FBXO36: variants seen among roughly 807,000 people sequenced by gnomAD.
The protein encoded by FBXO36 is F-box only protein 36.
FBXO36 carries 18 observed loss-of-function variants against 17.0 expected under a neutral mutation model. The ratio of observed to expected loss-of-function variants is 1.06; its 90% confidence interval spans 0.73 to 1.57. FBXO36 has a LOEUF of 1.57. Ranked by LOEUF, FBXO36 falls within the 40% of genes most tolerant of loss-of-function variation. The probability of loss-of-function intolerance (pLI) is 0.00; values close to 1 mark genes in which losing one functional copy is unlikely to be tolerated. For synonymous variants in FBXO36, 83 were observed against 85.3 expected (o/e 0.97, Z 0.15); for missense variants, 229 against 221.9 (o/e 1.03, Z -0.20).
intron 2 of FBXO36, among the ~76,000 whole-genome samples, chr2:229,984,473 G>T (rs56100979): frequency 0.76 from 114,229 of 150,020 alleles, 43,749 homozygotes; most frequent in East Asian, 0.8. Context: ...TCACTGCAAC[G>T]CCGCTCCCGG....
intron 1 of FBXO36, among the ~76,000 whole-genome samples, chr2:229,929,276 T>C (rs2076927166): frequency 6.6e-6 from 1 of 150,884 alleles, no homozygotes; most frequent in Non-Finnish European, 1.5e-5. Flanking sequence ...TTTGAGAAAC[T>C]AAAGGAGCTG....
chr2:229,950,631 A>G (rs928537470), intron 1 of FBXO36, among the ~76,000 whole-genome samples: 1 of 152,230 alleles, frequency 6.6e-6, no homozygotes, highest in African/African-American at 2.4e-5. Context: ...TCCTTTCCAC[A>G]GAACGGAATG....
intron 1 of FBXO36, among the ~76,000 whole-genome samples, chr2:229,928,048 C>A (rs2076921930): frequency 6.6e-6 from 1 of 152,208 alleles, no homozygotes; most frequent in Non-Finnish European, 1.5e-5. Context: ...TTTGACCCAG[C>A]AAATCCATTT....
intron 1 of FBXO36, among the ~76,000 whole-genome samples, chr2:229,975,699 C>T (rs1353296315): frequency 6.6e-6 from 1 of 151,954 alleles, no homozygotes; most frequent in Non-Finnish European, 1.5e-5. Context: ...TGATCTAGAA[C>T]TCCCAGGCTC....
intron 2 of FBXO36, 159 bp downstream of exon 2, chr2:229,976,508 T>G: frequency 1.7e-6 from 1 of 589,802 alleles, no homozygotes; most frequent in Non-Finnish European, 2.9e-6. Context: ...AAAACTGTTG[T>G]TTTTTTCTCT....
At chr2:229,959,719 G>T (rs549070610) in intron 1 of FBXO36, among the ~76,000 whole-genome samples, 1 of 151,946 alleles carries the variant, frequency 6.6e-6, no homozygotes, top group South Asian at 2.1e-4. Flanking sequence ...GGTGGTGGGC[G>T]CCTGTAGTCC....
intron 1 of FBXO36, chr2:229,923,370 G>A (rs950900688): frequency 3.3e-5 from 5 of 152,192 alleles, no homozygotes; most frequent in Admixed American, 1.3e-4. Context: ...TTCTCAACTT[G>A]AGCGGGGCCT....
chr2:229,943,524 A>C (rs1268900039), intron 1 of FBXO36, among the ~76,000 whole-genome samples: 1 of 152,014 alleles, frequency 6.6e-6, no homozygotes, highest in Non-Finnish European at 1.5e-5. Context: ...AGATGTTTGG[A>C]GTTCATAAAT....
At chr2:229,980,181 C>A (rs995052937) in intron 2 of FBXO36, among the ~76,000 whole-genome samples, 1 of 151,982 alleles carries the variant, frequency 6.6e-6, no homozygotes, top group Non-Finnish European at 1.5e-5. Flanking sequence ...CCCGCCCCTG[C>A]CCCTGAATAG....
At chr2:229,947,030 T>C (rs1359487281) in intron 1 of FBXO36, among the ~76,000 whole-genome samples, 1 of 152,016 alleles carries the variant, frequency 6.6e-6, no homozygotes, top group East Asian at 1.9e-4. Context: ...TAGCTGGGCA[T>C]GGTGGCAGGT....
intron 1 of FBXO36, among the ~76,000 whole-genome samples, chr2:229,926,948 C>A (rs2076915874): frequency 6.6e-6 from 1 of 151,812 alleles, no homozygotes; most frequent in Non-Finnish European, 1.5e-5. Flanking sequence ...CAACCTCCAC[C>A]TTCTGGGTTG....
At chr2:229,932,741 G>A (rs985289472) in intron 1 of FBXO36, 2 of 159,098 alleles carry the variant, frequency 1.3e-5, no homozygotes, top group African/African-American at 4.8e-5. Context: ...CTGGAGTTTT[G>A]TTTTTTTCTT....
rs5839351 is a variant in FBXO36 at position 230,011,598 on chromosome 2, C to CTTTTTTTTTTTTTTTTTTTTTTTTTT, written c.*731_*732insTTTTTTTTTTTTTTTTTTTTTTTTTT. On this transcript the variant is annotated 3_prime_UTR_variant, in exon 4 of 4. Coordinates refer to ENST00000283946, the MANE Select transcript of FBXO36 (RefSeq NM_174899.5). ...AACCTATAAACATTTCTTTTCTTTTCTTTTTTTTTTTTTTTTTGTATTTTC... is the reference window on the plus strand; with the variant it reads ...AACCTATAAACATTTCTTTTCTTTTCTTTTTTTTTTTTTTTTTTTTTTTTTTTTTTTTTTTTTTTTTTTGTATTTTC... 8.1e-6 allele frequency: 1 copy of CTTTTTTTTTTTTTTTTTTTTTTTTTT among 123,442 alleles called. No individual in the cohort carries two copies. Among genetic ancestry groups the CTTTTTTTTTTTTTTTTTTTTTTTTTT allele is most frequent in the Non-Finnish European group, 1.6e-5 (1 of 61,976 alleles). 7.6% of individuals were successfully genotyped at this position (123,442 alleles called of 1,614,324 possible). A position where few individuals can be genotyped will look rare whatever the true frequency, so the allele number is the denominator to read the frequency against.
intron 3 of FBXO36, among the ~76,000 whole-genome samples, chr2:229,998,404 C>T (rs1167461439): frequency 6.6e-6 from 1 of 152,136 alleles, no homozygotes; most frequent in African/African-American, 2.4e-5. Context: ...GGTTGGATCA[C>T]CTGAGGTTGG....
intron 2 of FBXO36, among the ~76,000 whole-genome samples, chr2:229,995,588 CTT>C (rs1560454291): frequency 4.1e-5 from 5 of 121,346 alleles, no homozygotes; most frequent in Admixed American, 2.6e-4. Flanking sequence ...CTTTCTCTTT[CTT>C]TCTTTCTTTT....
intron 1 of FBXO36, among the ~76,000 whole-genome samples, chr2:229,975,589 C>T (rs928740839): frequency 6.6e-6 from 1 of 151,436 alleles, no homozygotes; most frequent in African/African-American, 2.4e-5. Context: ...ATCCTCCCAC[C>T]TCAGCCTCAC....
intron 3 of FBXO36, among the ~76,000 whole-genome samples, chr2:229,998,468 C>T (rs1282809337): frequency 6.6e-6 from 1 of 152,006 alleles, no homozygotes; most frequent in African/African-American, 2.4e-5. Flanking sequence ...ACTAAAAATA[C>T]AAAATTAGCC....
intron 1 of FBXO36, among the ~76,000 whole-genome samples, chr2:229,953,270 CG>C (rs1413525254): frequency 2.0e-5 from 3 of 151,906 alleles, no homozygotes; most frequent in African/African-American, 7.3e-5. Context: ...ACCCGGGAGG[CG>C]GAGGTTGCAG....
In FBXO36 at chr2:229,966,451, G is replaced by T. The variant is rs555104858; in HGVS notation, c.97-9790G>T. 9.9e-4 allele frequency among the ~76,000 whole-genome samples: 150 copies of T among 152,262 alleles called. 3 individuals are homozygous for T. The South Asian group carries it at 0.015, about 15-fold the overall frequency. The stretch of plus-strand genomic sequence containing the variant: ...TTCGTGTTTTAGAAATGAAGTCCTT[G>T]CCCATGCCTATGTCCTGAAATGGTA... On this transcript the variant is annotated intron_variant, in intron 1 of 3. Transcript: ENST00000283946.
Sources: gnomAD v4.1 joint callset for allele counts (sites outside exome capture counted in the v4.1 genomes callset) on GRCh38, gnomAD v4.1.1 for gene constraint, MANE v1.5 for transcripts, NCBI Gene and HGNC (gene_info 2026-07-23, HGNC 2026-07-21) for gene names.